The following SPMIP11 variants were observed in gnomAD, a reference collection of about 807,000 sequenced individuals.
SPMIP11 encodes the protein sperm microtubule inner protein 11.
the SPMIP11 span, among the ~76,000 whole-genome samples, chr12:48,729,362 C>T: frequency 9.2e-5 from 14 of 152,098 alleles, no homozygotes; most frequent in Non-Finnish European, 1.6e-4. Flanking sequence ...AGTGAAACCC[C>T]GTCTCTACTA....
At chr12:48,770,812 C>T in the SPMIP11 span, 4 of 1,614,222 alleles carry the variant, frequency 2.5e-6, no homozygotes, top group Non-Finnish European at 3.4e-6. Context: ...TGATGTGCTT[C>T]ATCTGCTCCA....
chr12:48,727,445 C>T, the SPMIP11 span: 2 of 702,170 alleles, frequency 2.8e-6, no homozygotes, highest in Non-Finnish European at 5.2e-6. Context: ...AGTGCCCCAA[C>T]CTGGACGTTC....
the SPMIP11 span, among the ~76,000 whole-genome samples, chr12:48,745,745 T>C: frequency 2.8e-4 from 42 of 152,246 alleles, 1 homozygote; most frequent in Middle Eastern, 3.4e-3. Context: ...TAAAAGAAAA[T>C]ACTGACAGTT....
At chr12:48,754,849 C>T in the SPMIP11 span, among the ~76,000 whole-genome samples, 6 of 148,552 alleles carry the variant, frequency 4.0e-5, no homozygotes, top group African/African-American at 7.8e-5. Context: ...TGAACTTCAG[C>T]GATCTTCCCA....
the SPMIP11 span, among the ~76,000 whole-genome samples, chr12:48,762,128 G>A: frequency 1.5e-5 from 2 of 129,858 alleles, no homozygotes; most frequent in African/African-American, 3.1e-5. Context: ...GCGCGATCTC[G>A]GCTCACCACA....
the SPMIP11 span, chr12:48,768,086 G>C: frequency 5.3e-6 from 1 of 189,328 alleles, no homozygotes; most frequent in African/African-American, 2.4e-5. Flanking sequence ...GTGGGGAAGT[G>C]CCCAGGACCA....
the SPMIP11 span, among the ~76,000 whole-genome samples, chr12:48,729,442 G>C: frequency 6.6e-6 from 1 of 152,062 alleles, no homozygotes; most frequent in Non-Finnish European, 1.5e-5. Context: ...GCTGAGGCAG[G>C]AGAATTGCTT....
At chr12:48,747,545 C>T in the SPMIP11 span, among the ~76,000 whole-genome samples, 6 of 152,180 alleles carry the variant, frequency 3.9e-5, no homozygotes, top group African/African-American at 1.4e-4. Context: ...CAGACCCTAA[C>T]ATAGCTATGC....
chr12:48,736,125 C>T, the SPMIP11 span: 1 of 451,466 alleles, frequency 2.2e-6, no homozygotes, highest in South Asian at 1.6e-5. Context: ...GAATTCCTGG[C>T]CTCCATGGTA....
At chr12:48,750,851 C>T in the SPMIP11 span, among the ~76,000 whole-genome samples, 4,023 of 152,258 alleles carry the variant, frequency 0.026, 190 homozygotes, top group African/African-American at 0.092. Context: ...TGGTTGATTT[C>T]ACCTTGTTAA....
At chr12:48,754,114 C>T in the SPMIP11 span, among the ~76,000 whole-genome samples, 2 of 152,098 alleles carry the variant, frequency 1.3e-5, no homozygotes, top group Non-Finnish European at 1.5e-5. Flanking sequence ...AGAAATGTAC[C>T]TTGGGGCAGA....
the SPMIP11 span, among the ~76,000 whole-genome samples, chr12:48,738,073 C>A: frequency 1.3e-5 from 2 of 151,864 alleles, no homozygotes; most frequent in Non-Finnish European, 2.9e-5. Context: ...AATCTGCCCA[C>A]TTTGGCCTCC....
At chr12:48,764,635 G>A in the SPMIP11 span, among the ~76,000 whole-genome samples, 10 of 152,162 alleles carry the variant, frequency 6.6e-5, no homozygotes, top group South Asian at 2.1e-3. Flanking sequence ...ACTAGCAGCA[G>A]GAAGAACCAA....
the SPMIP11 span, among the ~76,000 whole-genome samples, chr12:48,740,493 C>CTT: frequency 8.7e-5 from 12 of 138,486 alleles, no homozygotes; most frequent in South Asian, 2.3e-4. Context: ...AAATGTCTCT[C>CTT]TTTTTTTTTT....
the SPMIP11 span, among the ~76,000 whole-genome samples, chr12:48,755,257 C>A: frequency 1.3e-5 from 2 of 152,114 alleles, no homozygotes; most frequent in Non-Finnish European, 2.9e-5. Context: ...ATGGCAACCC[C>A]CAATTTGTGG....
the SPMIP11 span, among the ~76,000 whole-genome samples, chr12:48,760,400 A>G: frequency 6.6e-6 from 1 of 151,098 alleles, no homozygotes; most frequent in Non-Finnish European, 1.5e-5. Flanking sequence ...CTGGTGTCAA[A>G]CTCCCAGGCT....
the SPMIP11 span, among the ~76,000 whole-genome samples, chr12:48,728,193 A>C: frequency 6.6e-6 from 1 of 152,232 alleles, no homozygotes; most frequent in South Asian, 2.1e-4. Flanking sequence ...CTCTGCTATA[A>C]AGTGACTATC....
the SPMIP11 span, among the ~76,000 whole-genome samples, chr12:48,766,043 C>CTGCA: frequency 6.6e-6 from 1 of 152,162 alleles, no homozygotes; most frequent in Non-Finnish European, 1.5e-5. Flanking sequence ...GAAGATACTG[C>CTGCA]AGCTTCTCCT....
the SPMIP11 span, among the ~76,000 whole-genome samples, chr12:48,731,490 CAA>C: frequency 1.5e-5 from 2 of 135,000 alleles, no homozygotes; most frequent in Admixed American, 7.5e-5. Flanking sequence ...GACTCCATCT[CAA>C]AAAAAAAAAA....
Sources: gnomAD v4.1 joint callset for allele counts (sites outside exome capture counted in the v4.1 genomes callset) on GRCh38, gnomAD v4.1.1 for gene constraint, MANE v1.5 for transcripts, NCBI Gene and HGNC (gene_info 2026-07-23, HGNC 2026-07-21) for gene names.